TRAP1: variants seen among roughly 807,000 people sequenced by gnomAD.
The protein encoded by TRAP1 is heat shock protein 75 kDa, mitochondrial.
In TRAP1, 102 loss-of-function variants were observed where a neutral mutation model predicts 89.1. That is an observed-to-expected ratio of 1.15 (90% confidence interval 0.98 to 1.35). The LOEUF (loss-of-function observed/expected upper bound fraction) is 1.35, where lower values mean the gene tolerates loss of function less well. TRAP1 is among the 40% of genes most tolerant of loss of function. The pLI, the probability that TRAP1 is intolerant of heterozygous loss-of-function variation, is 0.00. For missense variants in TRAP1, 1,256 were observed against 945.3 expected, an observed-to-expected ratio of 1.33 and a Z score of -4.31; for synonymous variants, 508 against 388.0, an observed-to-expected ratio of 1.31 and a Z score of -3.64.
At chr16:3,707,850 TCTAA>T (rs2051471223) in intron 1 of TRAP1, among the ~76,000 whole-genome samples, 1 of 101,290 alleles carries the variant, frequency 9.9e-6, no homozygotes, top group Admixed American at 1.1e-4. Context: ...AGAGCGAGAC[TCTAA>T]CTCAAAAAAA....
chr16:3,659,013 A>T (rs1358705263), intron 16 of TRAP1, 148 bp from the exon 17 acceptor site: 2 of 762,060 alleles, frequency 2.6e-6, no homozygotes, highest in African/African-American at 3.5e-5. Context: ...TCATTTATAG[A>T]TAATATCATT....
intron 1 of TRAP1, among the ~76,000 whole-genome samples, chr16:3,692,598 T>C (rs1240029735): frequency 6.9e-6 from 1 of 144,098 alleles, no homozygotes; most frequent in African/African-American, 2.6e-5. Context: ...AACTTGCCTT[T>C]TTTTTTTTTT....
rs529256747 is a variant in TRAP1, at chr16:3,658,776, T to C, written c.2013+17A>G. 4.0e-5 allele frequency: 65 copies of C among 1,611,564 alleles called. No individual in the cohort carries two copies. In the South Asian group the frequency reaches 5.8e-4, roughly 14 times the overall value. On this transcript the variant is annotated intron_variant, in intron 17 of 17. Transcript: ENST00000246957. ...GTAGCCTGGGTCCCTGCAGTCATCC[T>C]AAGCTGCTGCACTCACCTGATCCAC...
chr16:3,696,765 C>T lies in TRAP1; in HGVS notation c.89-5780G>A, dbSNP rs147812702. Among the ~76,000 whole-genome samples, 1,464 of 150,584 alleles carry T rather than the reference C, an allele frequency of 9.7e-3. 13 individuals carry two copies. The highest frequency in any genetic ancestry group is 0.025 in the South Asian group (117 of 4,740). On this transcript the variant is annotated intron_variant, in intron 1 of 17. Coordinates refer to ENST00000246957, the MANE Select transcript of TRAP1 (RefSeq NM_016292.3). ...TTTTTTTGACTGGGTCTCACTCTGT[C>T]GCCCAGGCTGAAGTGCAGTAGAGTG...
chr16:3,713,361 G>C (rs968723103), intron 1 of TRAP1, among the ~76,000 whole-genome samples: 1 of 152,160 alleles, frequency 6.6e-6, no homozygotes, highest in Non-Finnish European at 1.5e-5. Context: ...TCCAGGTGAG[G>C]CTCTTTTTGG....
rs769729588 is a variant in TRAP1 at position 3,674,494 on chromosome 16, C to T, written c.889G>A (p.Ala297Thr). 6.2e-7 allele frequency: 1 copy of T among 1,613,750 alleles called. No individual in the cohort carries two copies. Among genetic ancestry groups the T allele is most frequent in the South Asian group, 1.1e-5 (1 of 91,046 alleles). ...LNGRRMNTLQ[A>T]IWMMDPKDVR... ...TCCTTGGGGTCCATCATCCAGATGG[C>T]CTGGAAACGGAGATCGGCGGGGAGG... The change falls in exon 9 of 18, where the codon GCC becomes ACC. Residue 297 changes from alanine (A) to threonine (T), a missense_variant and splice_region_variant. Ala to Thr is a moderately conservative substitution (Grantham distance 58). Coordinates refer to ENST00000246957, the MANE Select transcript of TRAP1 (RefSeq NM_016292.3).
intron 1 of TRAP1, among the ~76,000 whole-genome samples, chr16:3,703,040 C>A (rs1416010818): frequency 2.1e-4 from 15 of 71,952 alleles, no homozygotes; most frequent in Admixed American, 8.7e-4. Context: ...GAAACTCCGT[C>A]TTGAAAAAAA....
At chr16:3,706,582 C>T (rs1253147645) in intron 1 of TRAP1, among the ~76,000 whole-genome samples, 1 of 151,486 alleles carries the variant, frequency 6.6e-6, no homozygotes, top group Non-Finnish European at 1.5e-5. Flanking sequence ...ACCTCAGCCT[C>T]CCAAATGGCT....
chr16:3,674,976 A>T, intron 8 of TRAP1: 1 of 335,550 alleles, frequency 3.0e-6, no homozygotes, highest in Non-Finnish European at 5.6e-6. Flanking sequence ...CAGTGGGGAA[A>T]GGGCTGCTTT....
chr16:3,687,602 G>C (rs908629448), intron 3 of TRAP1, among the ~76,000 whole-genome samples: 1 of 152,096 alleles, frequency 6.6e-6, no homozygotes, highest in South Asian at 2.1e-4. Flanking sequence ...CAGTGAGAGA[G>C]GCCGGGTGTG....
chr16:3,662,222 C>T, intron 15 of TRAP1, 90 bp from the exon 16 acceptor site: 5 of 1,489,338 alleles, frequency 3.4e-6, no homozygotes, highest in South Asian at 2.6e-5. Context: ...TCACCCAGAC[C>T]ACGAGGTAGC....
chr16:3,690,478 G>T (rs892424846), intron 2 of TRAP1, among the ~76,000 whole-genome samples: 2 of 152,226 alleles, frequency 1.3e-5, no homozygotes, highest in Non-Finnish European at 2.9e-5. Flanking sequence ...ACTTCAGAGG[G>T]AATGAAAAGA....
At position 3,662,019 on chromosome 16, in the gene TRAP1, C is replaced by G; in HGVS notation, c.1908G>C (p.Gln636His). Residue 636 changes from glutamine (Q) to histidine (H), a missense_variant, in exon 16 of 18, where the codon CAG becomes CAC. Physicochemically the swap from Gln to His is conservative, Grantham distance 24. Coordinates refer to ENST00000246957, the MANE Select transcript of TRAP1 (RefSeq NM_016292.3). ...QLAKTQEERAQLLQPTLEINP... is the reference protein window; with the variant it reads ...QLAKTQEERAHLLQPTLEINP... ...TGATCTCCAGCGTGGGCTGCAGGAG[C>G]TGTGCGCGCTCCTCCTGGGTCTTGG... 1 of 1,612,110 alleles carries G rather than the reference C, an allele frequency of 6.2e-7. No homozygotes were observed.
chr16:3,705,193 T>G (rs562071392), intron 1 of TRAP1, among the ~76,000 whole-genome samples: 7 of 152,056 alleles, frequency 4.6e-5, no homozygotes, highest in African/African-American at 1.4e-4. Context: ...GCGTCCCGAG[T>G]AGCTGGGACT....
At chr16:3,693,175 T>C (rs571965520) in intron 1 of TRAP1, among the ~76,000 whole-genome samples, 6 of 151,752 alleles carry the variant, frequency 4.0e-5, no homozygotes, top group South Asian at 2.1e-4. Context: ...TCTCGAACTA[T>C]TGACCTCAGG....
intron 1 of TRAP1, among the ~76,000 whole-genome samples, chr16:3,713,151 C>T (rs2051554094): frequency 6.6e-6 from 1 of 152,144 alleles, no homozygotes; most frequent in Admixed American, 6.6e-5. Context: ...AGTACTACTC[C>T]CCTCCACTCT....
chr16:3,670,382 C>CA (rs760902038), intron 11 of TRAP1, among the ~76,000 whole-genome samples: 1,570 of 22,680 alleles, frequency 0.069, 177 homozygotes, highest in South Asian at 0.093. Flanking sequence ...GACTCCGTCT[C>CA]AAAAAAAAAA....
intron 1 of TRAP1, among the ~76,000 whole-genome samples, chr16:3,706,332 G>A (rs1020903115): frequency 1.3e-5 from 2 of 151,858 alleles, no homozygotes; most frequent in African/African-American, 4.8e-5. Flanking sequence ...TGCAGTGGCT[G>A]TTTACAGGCA....
intron 7 of TRAP1, among the ~76,000 whole-genome samples, 172 bp downstream of exon 7, chr16:3,675,864 C>T (rs2050984296): frequency 6.6e-6 from 1 of 152,206 alleles, no homozygotes; most frequent in African/African-American, 2.4e-5. Flanking sequence ...GAGCTCGATG[C>T]TACGCAGCCC....
Sources: allele counts gnomAD v4.1 joint callset (sites outside exome capture counted in the v4.1 genomes callset), GRCh38; gene constraint gnomAD v4.1.1; transcripts MANE v1.5; gene names NCBI Gene and HGNC (gene_info 2026-07-23, HGNC 2026-07-21).